The following TPRG1 variants were observed in gnomAD, a reference collection of about 807,000 sequenced individuals.
TPRG1 encodes the protein tumor protein p63-regulated gene 1 protein.
TPRG1 carries 29 observed loss-of-function variants against 29.3 expected under a neutral mutation model. That is an observed-to-expected ratio of 0.99 (90% CI 0.74 to 1.35). The LOEUF is 1.35. Among genes scored for constraint, TPRG1 ranks in the 40% most tolerant of loss-of-function variants. The pLI is 0.00. For synonymous variants in TPRG1, 130 were observed against 116.8 expected, an observed-to-expected ratio of 1.11 and a Z score of -0.73; for missense variants, 327 against 335.0, an observed-to-expected ratio of 0.98 and a Z score of 0.19.
At chr3:189,025,183 C>T (rs886718514) in intron 4 of TPRG1, among the ~76,000 whole-genome samples, 1 of 152,170 alleles carries the variant, frequency 6.6e-6, no homozygotes, top group Non-Finnish European at 1.5e-5. Flanking sequence ...CTAGACTCCA[C>T]ACAGCTCTGT....
rs142128695 is a variant in TPRG1 at position 189,265,648 on chromosome 3, A to G, written c.479+26739A>G. 3.2e-3 allele frequency among the ~76,000 whole-genome samples: 492 copies of G among 152,356 alleles called. 2 individuals carry two copies. Among genetic ancestry groups the G allele is most frequent in the African/African-American group, 0.011 (472 of 41,570 alleles). On this transcript the variant is annotated intron_variant, in intron 4 of 5. Transcript: ENST00000345063. The stretch of plus-strand genomic sequence containing the variant: ...AAGTTCTGGCAAGTTAAAGGCTAGC[A>G]GAATAAATGGGACTGCTTAAAAGAC...
chr3:189,159,838 GTA>G (rs71634086), intron 5 of TPRG1, among the ~76,000 whole-genome samples: 2,135 of 100,276 alleles, frequency 0.021, 29 homozygotes, highest in Admixed American at 0.047. Flanking sequence ...GAGTGTTTGT[GTA>G]TGTGTGTGTG....
rs371585069 is a variant in TPRG1, at chr3:189,110,169, C to T, written c.-744+9965C>T. On this transcript the variant is annotated intron_variant, in intron 1 of 6. Coordinates refer to the TPRG1 transcript ENST00000412373. ...GCTGCATTGTGTAGTATATGTTTAA[C>T]TTGGTAAGATTCTGCCAAATAGATT... 3.4e-4 allele frequency among the ~76,000 whole-genome samples: 52 copies of T among 152,266 alleles called. No individual in the cohort carries two copies. In the East Asian group the frequency reaches 7.7e-3, roughly 23 times the overall value.
At chr3:189,252,838 A>G (rs1742504543) in intron 4 of TPRG1, among the ~76,000 whole-genome samples, 1 of 152,132 alleles carries the variant, frequency 6.6e-6, no homozygotes, top group Non-Finnish European at 1.5e-5. Context: ...AAAAATCTAT[A>G]TTTACTTGTC....
At chr3:189,105,324 C>T (rs1240916058) in intron 1 of TPRG1, among the ~76,000 whole-genome samples, 1 of 152,110 alleles carries the variant, frequency 6.6e-6, no homozygotes, top group Non-Finnish European at 1.5e-5. Flanking sequence ...TGAATCTTCT[C>T]TATATGGCCC....
chr3:189,261,567 C>A (rs934374553), intron 4 of TPRG1, among the ~76,000 whole-genome samples: 5 of 152,136 alleles, frequency 3.3e-5, no homozygotes, highest in Admixed American at 6.6e-5. Flanking sequence ...CATGTGGCAG[C>A]CATTGTGTAC....
At chr3:189,227,636 G>A (rs533864744) in intron 3 of TPRG1, among the ~76,000 whole-genome samples, 40 of 152,244 alleles carry the variant, frequency 2.6e-4, no homozygotes, top group African/African-American at 9.6e-4. Flanking sequence ...CTTAAAAAAT[G>A]CAATCATTGT....
chr3:189,230,801 T>TGTAATCAGTA (rs1399795516), intron 3 of TPRG1, among the ~76,000 whole-genome samples: 1 of 152,178 alleles, frequency 6.6e-6, no homozygotes, highest in African/African-American at 2.4e-5. Flanking sequence ...GGATTACTTC[T>TGTAATCAGTA]GGCCTGATTA....
At chr3:189,028,101 A>G (rs560449403) in intron 4 of TPRG1, among the ~76,000 whole-genome samples, 6 of 152,326 alleles carry the variant, frequency 3.9e-5, no homozygotes, top group African/African-American at 1.4e-4. Context: ...GGGATTTCTC[A>G]GGAAACCCAC....
At chr3:189,191,830 G>C (rs949607893) in intron 1 of TPRG1, among the ~76,000 whole-genome samples, 2 of 152,128 alleles carry the variant, frequency 1.3e-5, no homozygotes, top group African/African-American at 4.8e-5. Context: ...CTCTTCTCTA[G>C]TTCCTTTATA....
intron 1 of TPRG1, among the ~76,000 whole-genome samples, chr3:189,202,825 G>A (rs1334322860): frequency 6.6e-6 from 1 of 152,148 alleles, no homozygotes; most frequent in Non-Finnish European, 1.5e-5. Flanking sequence ...CTGCTTCATG[G>A]AAGCCGTATC....
intron 4 of TPRG1, among the ~76,000 whole-genome samples, chr3:189,242,152 C>A (rs890711103): frequency 4.6e-5 from 7 of 152,022 alleles, no homozygotes; most frequent in Admixed American, 1.3e-4. Context: ...GAATTTTTAT[C>A]CAGATGGCAG....
chr3:189,250,415 C>A (rs1334974847), intron 4 of TPRG1, among the ~76,000 whole-genome samples: 1 of 148,258 alleles, frequency 6.7e-6, no homozygotes, highest in African/African-American at 2.5e-5. Flanking sequence ...GCTTCATTAA[C>A]AGTCTTATTG....
At chr3:189,228,236 T>C (rs879445382) in intron 3 of TPRG1, among the ~76,000 whole-genome samples, 22 of 152,146 alleles carry the variant, frequency 1.4e-4, no homozygotes, top group Non-Finnish European at 7.3e-5. Flanking sequence ...ACATTTTTTT[T>C]CCAAAAATAA....
chr3:189,292,720 C>G (rs183364038), intron 4 of TPRG1, among the ~76,000 whole-genome samples: 1 of 152,206 alleles, frequency 6.6e-6, no homozygotes, highest in African/African-American at 2.4e-5. Flanking sequence ...AACAACTGAG[C>G]AAAAGCTTTA....
intron 1 of TPRG1, among the ~76,000 whole-genome samples, chr3:189,178,339 G>A (rs1344236793): frequency 6.6e-6 from 1 of 152,130 alleles, no homozygotes; most frequent in Non-Finnish European, 1.5e-5. Context: ...GAACAGACTG[G>A]CCAACATGGC....
chr3:189,078,091 C>CTCTT (rs67070787), intron 4 of TPRG1, among the ~76,000 whole-genome samples: 2,834 of 85,164 alleles, frequency 0.033, 158 homozygotes, highest in Middle Eastern at 0.068. Flanking sequence ...CTCTCTTTCT[C>CTCTT]TCTTTCTTTC....
intron 4 of TPRG1, among the ~76,000 whole-genome samples, chr3:189,088,974 ATCTATC>A (rs1560437436): frequency 8.5e-6 from 1 of 117,798 alleles, no homozygotes; most frequent in African/African-American, 5.9e-5. Flanking sequence ...ATTGATATCT[ATCTATC>A]TATCTATCTA....
chr3:189,127,105 G>A (rs1185292659), exon 2 of TPRG1: 1 of 152,170 alleles, frequency 6.6e-6, no homozygotes, highest in Non-Finnish European at 1.5e-5. Context: ...GAGATTTCAT[G>A]CTGTTGATTC....
Sources: allele counts gnomAD v4.1 joint callset (sites outside exome capture counted in the v4.1 genomes callset), GRCh38; gene constraint gnomAD v4.1.1; transcripts MANE v1.5; gene names NCBI Gene and HGNC (gene_info 2026-07-23, HGNC 2026-07-21).